The following RBM46 variants were observed in gnomAD, a reference collection of about 807,000 sequenced individuals.
The protein encoded by RBM46 is probable RNA-binding protein 46.
In RBM46, 12 loss-of-function variants were observed where a neutral mutation model predicts 43.3. The observed-to-expected ratio is 0.28, with a 90% CI of 0.18 to 0.45. The LOEUF is 0.45. Among genes scored for constraint, RBM46 ranks in the 20% least tolerant of loss-of-function variants. The pLI is 1.00. For synonymous variants in RBM46, 205 were observed against 207.6 expected (o/e 0.99, Z 0.11); for missense variants, 412 against 639.1 (o/e 0.64, Z 3.83).
rs570329296 is a variant in RBM46, at chr4:154,804,134, G to A, written c.1402+4570G>A. 2.1e-4 allele frequency among the ~76,000 whole-genome samples: 32 copies of A among 152,238 alleles called. No individual in the cohort carries two copies. In the South Asian group the frequency reaches 6.6e-3, roughly 32 times the overall value. ...CCTAGCAGATTCTGGCACCATGCTT[G>A]TAAAGCTTACAGAACTGTGAGCCAA... On this transcript the variant is annotated intron_variant, in intron 4 of 4. Coordinates refer to ENST00000281722, the MANE Select transcript of RBM46 (RefSeq NM_144979.5).
intron 4 of RBM46, among the ~76,000 whole-genome samples, chr4:154,803,285 G>A (rs1305464289): frequency 6.6e-6 from 1 of 152,122 alleles, no homozygotes; most frequent in African/African-American, 2.4e-5. Flanking sequence ...TGGGGTTAAT[G>A]CCAAAATAGA....
rs188736284 is a variant in RBM46, at chr4:154,801,130, C to A, written c.1402+1566C>A. On this transcript the variant is annotated intron_variant, in intron 4 of 4. Coordinates refer to ENST00000281722, the MANE Select transcript of RBM46 (RefSeq NM_144979.5). ...AGTAGCTGGGATTACAGGCGCCCAC[C>A]ACCGTGCCCGGCTAATTTTTGTATT... Among the ~76,000 whole-genome samples, 98 of 152,154 alleles carry A rather than the reference C, an allele frequency of 6.4e-4. 1 individual carries two copies. In the East Asian group the frequency reaches 0.019, roughly 29 times the overall value.
intron 4 of RBM46, among the ~76,000 whole-genome samples, chr4:154,805,414 C>T (rs1425789025): frequency 6.6e-6 from 1 of 151,848 alleles, no homozygotes; most frequent in South Asian, 2.1e-4. Context: ...TTGTATATTG[C>T]TTCTTATATT....
intron 1 of RBM46, among the ~76,000 whole-genome samples, chr4:154,787,689 G>T (rs539506846): frequency 7.6e-4 from 115 of 152,236 alleles, no homozygotes; most frequent in African/African-American, 2.6e-3. Context: ...AATCCTTTGG[G>T]TATAGACCCA....
At chr4:154,795,479 AT>A (rs1242825598) in intron 1 of RBM46, among the ~76,000 whole-genome samples, 1 of 152,152 alleles carries the variant, frequency 6.6e-6, no homozygotes, top group African/African-American at 2.4e-5. Context: ...TAGTAAAAAA[AT>A]CTATTAATGT....
chr4:154,810,219 A>AT (rs1413568476), intron 4 of RBM46, among the ~76,000 whole-genome samples: 1 of 152,174 alleles, frequency 6.6e-6, no homozygotes, highest in Non-Finnish European at 1.5e-5. Context: ...TTTTGTCAAA[A>AT]TTGGAATAAG....
intron 4 of RBM46, among the ~76,000 whole-genome samples, chr4:154,816,962 G>A (rs1194261961): frequency 1.3e-5 from 2 of 151,960 alleles, no homozygotes; most frequent in Non-Finnish European, 2.9e-5. Flanking sequence ...AATGCAATAA[G>A]TTGCATTGAT....
chr4:154,811,659 G>GTGTGTGTC (rs1553983669), intron 4 of RBM46, among the ~76,000 whole-genome samples: 18 of 135,962 alleles, frequency 1.3e-4, no homozygotes, highest in African/African-American at 4.5e-4. Context: ...ATATGTGTGT[G>GTGTGTGTC]TGTGTGTGTC....
intron 4 of RBM46, chr4:154,820,376 T>C (rs1207364610): frequency 6.6e-7 from 1 of 1,524,924 alleles, no homozygotes; most frequent in Non-Finnish European, 8.8e-7. Context: ...GGGAACACAA[T>C]CTCTTCAGCC....
chr4:154,825,647 G>A (rs1220935076), intron 4 of RBM46, among the ~76,000 whole-genome samples: 1 of 152,140 alleles, frequency 6.6e-6, no homozygotes, highest in Admixed American at 6.6e-5. Flanking sequence ...AATGATCATT[G>A]TATATTTAAG....
At chr4:154,808,437 ATTTAC>A (rs1254648227) in intron 4 of RBM46, among the ~76,000 whole-genome samples, 2 of 151,826 alleles carry the variant, frequency 1.3e-5, no homozygotes, top group Non-Finnish European at 2.9e-5. Context: ...ACCGAAGCCC[ATTTAC>A]TTAATTTTTT....
At chr4:154,822,293 T>G (rs565193611) in intron 4 of RBM46, among the ~76,000 whole-genome samples, 2 of 151,656 alleles carry the variant, frequency 1.3e-5, no homozygotes, top group Non-Finnish European at 3.0e-5. Flanking sequence ...CACTCTAGAT[T>G]AGTTTGCATT....
chr4:154,791,305 A>G (rs1734078748), intron 1 of RBM46, among the ~76,000 whole-genome samples: 1 of 152,168 alleles, frequency 6.6e-6, no homozygotes, highest in African/African-American at 2.4e-5. Context: ...GAGACCTTTT[A>G]ATCACCTCTG....
intron 4 of RBM46, chr4:154,820,340 T>C (rs1390996330): frequency 6.8e-7 from 1 of 1,480,960 alleles, no homozygotes; most frequent in Non-Finnish European, 9.0e-7. Context: ...GACTCAATTA[T>C]TTTCTGTCTT....
intron 3 of RBM46, 39 bp downstream of exon 3, chr4:154,798,317 C>T: frequency 1.6e-6 from 2 of 1,277,882 alleles, no homozygotes; most frequent in Non-Finnish European, 2.2e-6. Flanking sequence ...AACATTATTA[C>T]AAATATGGAG....
chr4:154,804,984 T>C (rs1308076709), intron 4 of RBM46, among the ~76,000 whole-genome samples: 2 of 152,074 alleles, frequency 1.3e-5, no homozygotes, highest in African/African-American at 4.8e-5. Context: ...ATAGGTTATT[T>C]TGGGAGTAGA....
intron 3 of RBM46, 68 bp downstream of exon 3, chr4:154,798,346 G>T: frequency 2.1e-6 from 2 of 971,758 alleles, no homozygotes; most frequent in Non-Finnish European, 3.0e-6. Context: ...GTACATCAGG[G>T]ATCAATATTA....
At position 154,791,338 on chromosome 4, in the gene RBM46, A is replaced by G. The variant is rs149165140; in HGVS notation, c.-11-5404A>G. 7.5e-3 allele frequency among the ~76,000 whole-genome samples: 1,136 copies of G among 152,250 alleles called. 16 individuals are homozygous for G. The highest frequency in any genetic ancestry group is 0.025 in the African/African-American group (1,042 of 41,540). On this transcript the variant is annotated intron_variant, in intron 1 of 4. Transcript: ENST00000281722. ...CTGGAACAATGTTTTAAGGGATGCCAGTTTAGGAAGTGTCTGGTTAAAATA... is the reference window on the plus strand; with the variant it reads ...CTGGAACAATGTTTTAAGGGATGCCGGTTTAGGAAGTGTCTGGTTAAAATA...
intron 4 of RBM46, among the ~76,000 whole-genome samples, chr4:154,804,497 A>T (rs1343580925): frequency 6.6e-6 from 1 of 152,242 alleles, no homozygotes; most frequent in Non-Finnish European, 1.5e-5. Flanking sequence ...GAATAAACAA[A>T]ATCAAGGAGA....
Sources: gnomAD v4.1 joint callset for allele counts (sites outside exome capture counted in the v4.1 genomes callset) on GRCh38, gnomAD v4.1.1 for gene constraint, MANE v1.5 for transcripts, NCBI Gene and HGNC (gene_info 2026-07-23, HGNC 2026-07-21) for gene names.